The following OAS2 variants were observed in gnomAD, a reference collection of about 807,000 sequenced individuals.
OAS2 encodes 2'-5'-oligoadenylate synthetase 2, also known as 2'-5'-oligoadenylate synthase 2.
Under a neutral mutation model 71.3 loss-of-function variants are expected in OAS2, and 67 were observed. That is an observed-to-expected ratio of 0.94 (90% CI 0.77 to 1.15). The LOEUF is 1.15. Ranked by LOEUF, OAS2 falls within the 50% of genes most tolerant of loss-of-function variation. The pLI is 0.00. For missense variants in OAS2, 789 were observed against 822.5 expected (o/e 0.96, Z 0.50); for synonymous variants, 327 against 321.8 (o/e 1.02, Z -0.17).
At chr12:113,005,335 CCAGCAAGTGGCATTAGTCATGG>C in intron 7 of OAS2, 113 bp downstream of exon 7, 1 of 1,043,202 alleles carries the variant, frequency 9.6e-7, no homozygotes, top group Non-Finnish European at 1.4e-6. Flanking sequence ...GTCCCTGGCC[CCAGCAAGTGGCATTAGTCATGG>C]CAGTAATACT....
Position 113,010,092 on chromosome 12 carries a change from G to A in OAS2, c.*837G>A. 9.1e-7 allele frequency: 1 copy of A among 1,098,758 alleles called. No individual in the cohort carries two copies. Among genetic ancestry groups the A allele is most frequent in the Non-Finnish European group, 1.1e-6 (1 of 902,272 alleles). 68.1% of individuals were successfully genotyped at this position (1,098,758 alleles called of 1,614,324 possible). A position where few individuals can be genotyped will look rare whatever the true frequency, so the allele number is the denominator to read the frequency against. ...CCACCCAGTTGTGACAATTAAAAGT[G>A]TCTTGAGACTTTATCATGTGTCTTC... is the stretch of plus-strand genomic sequence containing the variant. On this transcript the variant is annotated 3_prime_UTR_variant, in exon 10 of 10. Transcript: ENST00000392583.
In OAS2 at chr12:112,987,847, G is replaced by A. The variant is rs894547232; in HGVS notation, c.448+539G>A. 6.4e-5 allele frequency: 63 copies of A among 986,360 alleles called. No homozygotes were observed. In the Admixed American group the frequency reaches 9.8e-4, roughly 15 times the overall value. The allele number at this position is 986,360 out of a possible 1,614,324, so 61.1% of individuals were successfully genotyped here. On this transcript the variant is annotated intron_variant, in intron 2 of 9. Transcript: ENST00000392583. Reference sequence around the variant, plus strand: ...TAGATAACTATCAAAGCTTGAGGGGGTGCCTTGAACCCAACTCCTAAATCC... The same window carrying A: ...TAGATAACTATCAAAGCTTGAGGGGATGCCTTGAACCCAACTCCTAAATCC...
At chr12:113,003,749 G>A (rs1005122487) in intron 6 of OAS2, among the ~76,000 whole-genome samples, 4 of 152,188 alleles carry the variant, frequency 2.6e-5, no homozygotes, top group African/African-American at 7.2e-5. Flanking sequence ...CTGGTCACAC[G>A]ACCAGATAAA....
intron 2 of OAS2, chr12:112,987,955 C>G (rs1397875559): frequency 1.0e-6 from 1 of 985,322 alleles, no homozygotes; most frequent in African/African-American, 1.7e-5. Flanking sequence ...CCTCTGCTTA[C>G]CAGGCTTCTG....
rs1358666734 is a variant in OAS2 at position 113,005,199 on chromosome 12, T to C, written c.1445T>C (p.Val482Ala). The stretch of plus-strand genomic sequence containing the variant: ...CTCAACGAAAGTGTCAGCTTTGATG[T>C]GCTTCCTGCCTTTAATGCACTGGGT... ...KVLNESVSFD[V>A]LPAFNALGQL... Residue 482 changes from valine (V) to alanine (A), a missense_variant, in exon 7 of 10, where the codon GTG becomes GCG. Transcript: ENST00000392583. 27 of 1,613,796 alleles carry C rather than the reference T, an allele frequency of 1.7e-5. No individual in the cohort carries two copies. The highest frequency in any genetic ancestry group is 2.1e-5 in the Non-Finnish European group (25 of 1,179,812).
chr12:112,985,921 A>ATGAT (rs1026932339), intron 1 of OAS2, among the ~76,000 whole-genome samples: 1 of 152,228 alleles, frequency 6.6e-6, no homozygotes, highest in African/African-American at 2.4e-5. Flanking sequence ...ACAGTGAGAT[A>ATGAT]TGATTGTGCC....
chr12:113,010,178 A>T lies in OAS2; in HGVS notation c.*923A>T. ...TACACCCCAACCCTGGGGGGAATGT[A>T]GGGAAGAGGTGGCCAAGCCAACCGT... On this transcript the variant is annotated 3_prime_UTR_variant, in exon 10 of 10. Transcript: ENST00000392583. 7.5e-7 allele frequency: 1 copy of T among 1,335,930 alleles called. No individual in the cohort carries two copies. The highest frequency in any genetic ancestry group is 9.6e-7 in the Non-Finnish European group (1 of 1,044,332). The allele number at this position is 1,335,930 out of a possible 1,614,324, so 82.8% of individuals were successfully genotyped here.
chr12:112,999,102 G>A (rs965722417), intron 5 of OAS2, among the ~76,000 whole-genome samples: 10 of 152,238 alleles, frequency 6.6e-5, no homozygotes, highest in African/African-American at 2.2e-4. Flanking sequence ...GCTCAGAGAA[G>A]GGGGTGGCAG....
At chr12:113,008,690 A>G (rs532293977) in intron 9 of OAS2, among the ~76,000 whole-genome samples, 57 of 152,304 alleles carry the variant, frequency 3.7e-4, no homozygotes, top group Non-Finnish European at 6.8e-4. Flanking sequence ...CAGTGGCACA[A>G]TCTCAGCTCA....
rs2044379407 is a variant in OAS2, at chr12:113,011,407, T to C, written c.*2152T>C. The C allele has an allele frequency of 6.6e-6, 1 of 152,206 alleles. No individual in the cohort carries two copies. Among genetic ancestry groups the C allele is most frequent in the Non-Finnish European group, 1.5e-5 (1 of 68,042 alleles). 9.4% of individuals were successfully genotyped at this position (152,206 alleles called of 1,614,324 possible). A position where few individuals can be genotyped will look rare whatever the true frequency, so the allele number is the denominator to read the frequency against. On this transcript the variant is annotated 3_prime_UTR_variant, in exon 10 of 10. Coordinates refer to ENST00000392583, the MANE Select transcript of OAS2 (RefSeq NM_002535.3). ...AAGACCAAGCATGTGGTTAAAGCAT[T>C]GGAATTTTCAGCCCCATCCCACCCC... is the stretch of plus-strand genomic sequence containing the variant.
At chr12:112,991,477 A>T (rs1235253598) in intron 2 of OAS2, among the ~76,000 whole-genome samples, 1 of 152,232 alleles carries the variant, frequency 6.6e-6, no homozygotes, top group Non-Finnish European at 1.5e-5. Context: ...TTTTAGGGAG[A>T]CCTGAGACAT....
rs1343762861 is a variant in OAS2, at chr12:113,006,492, G to GGGA, written c.1553_1555dup (p.Gly518dup). On this transcript the variant is annotated inframe_insertion, in exon 8 of 10. Transcript: ENST00000392583. ...ATCTGTATAAATCCTCGGACCTCCC[G>GGGA]GGAGGAGAGTTTTCTACCTGTTTCA... 2 of 1,613,536 alleles carry GGGA rather than the reference G, an allele frequency of 1.2e-6. No homozygotes were observed. Among genetic ancestry groups the GGGA allele is most frequent in the African/African-American group, 2.7e-5 (2 of 75,012 alleles).
At position 112,991,996 on chromosome 12, in the gene OAS2, GGATA is replaced by G. The variant is rs1322878193; in HGVS notation, c.449-3291_449-3288del. On this transcript the variant is annotated intron_variant, in intron 2 of 9. Coordinates refer to ENST00000392583, the MANE Select transcript of OAS2 (RefSeq NM_002535.3). ...GAAAAATGAATGTAGATGGATGGAT[GGATA>G]GATAGATATTAAATATATGTATATA... 9.2e-5 allele frequency among the ~76,000 whole-genome samples: 14 copies of G among 151,958 alleles called. No individual in the cohort carries two copies. The South Asian group carries it at 1.5e-3, about 16-fold the overall frequency.
At position 112,998,357 on chromosome 12, in the gene OAS2, T is replaced by C. The variant is rs762371461; in HGVS notation, c.955T>C (p.Leu319=). The C allele has an allele frequency of 1.9e-6, 3 of 1,610,224 alleles. No homozygotes were observed. Among genetic ancestry groups the C allele is most frequent in the Non-Finnish European group, 2.5e-6 (3 of 1,179,214 alleles). Residue 319 remains leucine (L), a synonymous_variant, in exon 5 of 10, where the codon TTG becomes CTG. Coordinates refer to ENST00000392583, the MANE Select transcript of OAS2 (RefSeq NM_002535.3). The stretch of plus-strand genomic sequence containing the variant: ...GCTGAAAAAAGAAGCTCAAACCTGG[T>C]TGACTTCTCCCAACCTGGATAATGA... ...QWLKKEAQTW[L]TSPNLDNELP...
intron 2 of OAS2, chr12:112,987,560 G>A: frequency 7.2e-7 from 1 of 1,390,338 alleles, no homozygotes. Flanking sequence ...AGCCTTTTAA[G>A]CCATACTGTA....
At chr12:113,002,902 T>A in intron 5 of OAS2, 30 bp from the exon 6 acceptor site, 1 of 1,609,810 alleles carries the variant, frequency 6.2e-7, no homozygotes, top group Non-Finnish European at 8.5e-7. Flanking sequence ...CAGGTGCCAC[T>A]CACACTTGGG....
At position 113,009,771 on chromosome 12, in the gene OAS2, C is replaced by T; in HGVS notation, c.*516C>T. The T allele has an allele frequency of 3.0e-6, 3 of 986,970 alleles. No individual in the cohort carries two copies. Among genetic ancestry groups the T allele is most frequent in the Non-Finnish European group, 3.6e-6 (3 of 831,162 alleles). The allele number at this position is 986,970 out of a possible 1,614,324, so 61.1% of individuals were successfully genotyped here. On this transcript the variant is annotated 3_prime_UTR_variant, in exon 10 of 10. Coordinates refer to ENST00000392583, the MANE Select transcript of OAS2 (RefSeq NM_002535.3). ...TTGCTCAGAAATGTCATGTGGCTAC[C>T]TGTAACTTGAAGGTGGCTACAAAGA...
intron 1 of OAS2, among the ~76,000 whole-genome samples, chr12:112,986,716 C>T (rs1292306021): frequency 2.6e-5 from 4 of 151,804 alleles, no homozygotes; most frequent in East Asian, 1.9e-4. Flanking sequence ...CCCCCAGATG[C>T]GCACAGGCAC....
At chr12:112,996,071 G>A (rs555377151) in intron 3 of OAS2, among the ~76,000 whole-genome samples, 19 of 152,236 alleles carry the variant, frequency 1.2e-4, no homozygotes, top group African/African-American at 4.1e-4. Context: ...CAAAGTGTTG[G>A]GATTACAGAC....
Sources: gnomAD v4.1 joint callset for allele counts (sites outside exome capture counted in the v4.1 genomes callset) on GRCh38, gnomAD v4.1.1 for gene constraint, MANE v1.5 for transcripts, NCBI Gene and HGNC (gene_info 2026-07-23, HGNC 2026-07-21) for gene names.